Variants in NDUFV2 observed in about 807,000 individuals in gnomAD.
NDUFV2 encodes NADH:ubiquinone oxidoreductase core subunit V2.
Under a neutral mutation model 31.6 loss-of-function variants are expected in NDUFV2, and 18 were observed. That is an observed-to-expected ratio of 0.57 (90% CI 0.39 to 0.84). The LOEUF is 0.84. Ranked by LOEUF, NDUFV2 falls within the 40% of genes least tolerant of loss-of-function variation. NDUFV2 has a pLI of 0.00. For synonymous variants in NDUFV2, 83 were observed against 99.8 expected (o/e 0.83, Z 1.01); for missense variants, 314 against 303.6 (o/e 1.03, Z -0.26).
intron 1 of NDUFV2, chr18:9,104,888 T>C: frequency 2.7e-6 from 4 of 1,472,160 alleles, no homozygotes; most frequent in South Asian, 2.7e-5. Context: ...AATCATCCAT[T>C]GTCTTGTCAA....
At chr18:9,133,633 G>A (rs999906340) in intron 7 of NDUFV2, 4 of 153,272 alleles carry the variant, frequency 2.6e-5, no homozygotes, top group African/African-American at 9.7e-5. Flanking sequence ...ATTTCCTCAA[G>A]GAATCCAGTT....
Position 9,131,071 on chromosome 18 carries a change from G to A in NDUFV2, c.657-3115G>A, listed in dbSNP as rs117959261. ...TCTGAAGGCCTTAACAAATAACATA[G>A]TCAGCACATATTTTGCATGTTGTCT... On this transcript the variant is annotated intron_variant, in intron 7 of 7. Coordinates refer to ENST00000318388, the MANE Select transcript of NDUFV2 (RefSeq NM_021074.5). Among the ~76,000 whole-genome samples the A allele has an allele frequency of 3.5e-4, 54 of 152,154 alleles. No homozygotes were observed. The East Asian group carries it at 9.3e-3, about 26-fold the overall frequency.
chr18:9,110,816 T>G (rs972914628), intron 1 of NDUFV2, among the ~76,000 whole-genome samples: 16 of 152,218 alleles, frequency 1.1e-4, no homozygotes, highest in African/African-American at 3.9e-4. Context: ...CCAGCTTCTT[T>G]TATTTTATAA....
At chr18:9,130,984 G>A (rs2078035294) in intron 7 of NDUFV2, among the ~76,000 whole-genome samples, 1 of 152,196 alleles carries the variant, frequency 6.6e-6, no homozygotes. Context: ...GATTGCTCAT[G>A]CAGTTGAAGA....
chr18:9,128,637 G>T (rs2078013167), intron 7 of NDUFV2, among the ~76,000 whole-genome samples: 1 of 152,116 alleles, frequency 6.6e-6, no homozygotes, highest in South Asian at 2.1e-4. Flanking sequence ...CTTAGCTAGT[G>T]CTCCTATCCC....
intron 1 of NDUFV2, 155 bp from the exon 2 acceptor site, chr18:9,117,683 C>A (rs1220848147): frequency 3.5e-6 from 2 of 578,584 alleles, no homozygotes; most frequent in Admixed American, 3.0e-5. Context: ...AAATAACTCT[C>A]CTGAAATAGA....
intron 7 of NDUFV2, among the ~76,000 whole-genome samples, chr18:9,131,642 T>C (rs957741992): frequency 6.6e-6 from 1 of 152,232 alleles, no homozygotes; most frequent in Middle Eastern, 3.2e-3. Context: ...ACTAAACTTT[T>C]ATAAAGTAAT....
At chr18:9,126,365 G>T (rs2077990752) in intron 6 of NDUFV2, among the ~76,000 whole-genome samples, 1 of 152,096 alleles carries the variant, frequency 6.6e-6, no homozygotes, top group Non-Finnish European at 1.5e-5. Context: ...GCTGAATTAG[G>T]TTTACAAATA....
chr18:9,108,708 TGAGACA>T (rs1396446045), intron 1 of NDUFV2, among the ~76,000 whole-genome samples: 31 of 122,732 alleles, frequency 2.5e-4, no homozygotes, highest in Non-Finnish European at 2.5e-4. Context: ...TTTTTTTTTT[TGAGACA>T]GAGTCTTACT....
Position 9,123,146 on chromosome 18 carries a change from TAGCATTTTAAAAGTAAATG to T in NDUFV2, c.469+466_469+484del, listed in dbSNP as rs1400577812. ...TTACAGTAGCATTTGAAAAGTAAATTAGCATTTTAAAAGTAAATGGGCATTTTCCCCTACAAAACTGCCA... is the reference window on the plus strand; with the variant it reads ...TTACAGTAGCATTTGAAAAGTAAATTGGCATTTTCCCCTACAAAACTGCCA... On this transcript the variant is annotated intron_variant, in intron 5 of 7. Coordinates refer to ENST00000318388, the MANE Select transcript of NDUFV2 (RefSeq NM_021074.5). 3.5e-4 allele frequency among the ~76,000 whole-genome samples: 53 copies of T among 152,320 alleles called. 1 individual carries two copies. Among genetic ancestry groups the T allele is most frequent in the African/African-American group, 1.2e-3 (49 of 41,570 alleles).
chr18:9,104,472 G>C (rs1486653640), intron 1 of NDUFV2, among the ~76,000 whole-genome samples: 1 of 152,232 alleles, frequency 6.6e-6, no homozygotes, highest in Non-Finnish European at 1.5e-5. Flanking sequence ...AATGCTAGGT[G>C]AAAGATGATG....
At chr18:9,106,853 C>T (rs955826507) in intron 1 of NDUFV2, among the ~76,000 whole-genome samples, 1 of 152,126 alleles carries the variant, frequency 6.6e-6, no homozygotes, top group Non-Finnish European at 1.5e-5. Flanking sequence ...TTGGCCCCTT[C>T]TTTCATCTCC....
At chr18:9,118,815 G>GTTTTTTTTT (rs71168030) in intron 2 of NDUFV2, among the ~76,000 whole-genome samples, 3 of 76,762 alleles carry the variant, frequency 3.9e-5, no homozygotes, top group African/African-American at 5.0e-5. Context: ...AGATGGTGCT[G>GTTTTTTTTT]TTTTTTTTTT....
intron 1 of NDUFV2, chr18:9,104,175 T>C (rs1311264432): frequency 3.7e-6 from 6 of 1,612,760 alleles, no homozygotes; most frequent in South Asian, 2.2e-5. Flanking sequence ...TAAAGTCTTG[T>C]TGGCAAGAAA....
At chr18:9,113,595 A>G (rs989112153) in intron 1 of NDUFV2, among the ~76,000 whole-genome samples, 1 of 152,190 alleles carries the variant, frequency 6.6e-6, no homozygotes, top group South Asian at 2.1e-4. Flanking sequence ...AAAAAAGAAG[A>G]AGTAAAAACT....
chr18:9,123,867 G>C (rs2077962482), intron 5 of NDUFV2, among the ~76,000 whole-genome samples: 1 of 152,194 alleles, frequency 6.6e-6, no homozygotes, highest in African/African-American at 2.4e-5. Flanking sequence ...TGTATGCTGA[G>C]ATAGTTTACA....
At chr18:9,126,505 T>C (rs906244041) in intron 6 of NDUFV2, 1 of 195,636 alleles carries the variant, frequency 5.1e-6, no homozygotes, top group Non-Finnish European at 1.1e-5. Context: ...AGCTGCAGGC[T>C]CTTGTTGCAT....
intron 5 of NDUFV2, 79 bp from the exon 6 acceptor site, chr18:9,124,795 A>G: frequency 7.6e-7 from 1 of 1,320,252 alleles, no homozygotes; most frequent in Non-Finnish European, 1.0e-6. Flanking sequence ...TACCTCTATA[A>G]AAATTCTTTT....
intron 5 of NDUFV2, among the ~76,000 whole-genome samples, chr18:9,124,374 C>T (rs187336047): frequency 4.0e-5 from 6 of 151,458 alleles, no homozygotes; most frequent in East Asian, 3.9e-4. Context: ...CCTCGCACCA[C>T]GGCCTCCCAA....
Sources: allele counts gnomAD v4.1 joint callset (sites outside exome capture counted in the v4.1 genomes callset), GRCh38; gene constraint gnomAD v4.1.1; transcripts MANE v1.5; gene names NCBI Gene and HGNC (gene_info 2026-07-23, HGNC 2026-07-21).